Variants in DOCK4 observed in about 807,000 individuals in gnomAD.
DOCK4 encodes the protein dedicator of cytokinesis protein 4.
A neutral mutation model predicts 268.1 loss-of-function variants in DOCK4; 97 were observed. The observed-to-expected ratio is 0.36, with a 90% CI of 0.31 to 0.43. The LOEUF (loss-of-function observed/expected upper bound fraction) is 0.43. Among genes scored for constraint, DOCK4 ranks in the 20% least tolerant of loss-of-function variants. The pLI, the probability that DOCK4 is intolerant of heterozygous loss-of-function variation, is 1.00. For missense variants in DOCK4, 2,145 were observed against 2,455.7 expected, an observed-to-expected ratio of 0.87 and a Z score of 2.67; for synonymous variants, 954 against 887.2, an observed-to-expected ratio of 1.08 and a Z score of -1.34.
chr7:111,772,515 G>T (rs1032975438), intron 36 of DOCK4, among the ~76,000 whole-genome samples: 10 of 152,158 alleles, frequency 6.6e-5, no homozygotes, highest in Non-Finnish European at 1.0e-4. Flanking sequence ...ACAAAAAGAG[G>T]CCAGGCACAG....
chr7:111,808,910 C>T, intron 29 of DOCK4, 31 bp from the exon 30 acceptor site: 2 of 1,603,946 alleles, frequency 1.2e-6, no homozygotes, highest in Non-Finnish European at 1.7e-6. Context: ...AAACCTGATA[C>T]AATGCCTCCA....
chr7:111,901,837 T>C (rs540647435), intron 13 of DOCK4, 36 bp from the exon 14 acceptor site: 1 of 1,450,068 alleles, frequency 6.9e-7, no homozygotes, highest in African/African-American at 1.4e-5. Flanking sequence ...ATGTTATATA[T>C]ATATGAGGAA....
chr7:111,938,951 G>A (rs1429376800), intron 11 of DOCK4, among the ~76,000 whole-genome samples: 1 of 148,080 alleles, frequency 6.8e-6, no homozygotes, highest in Non-Finnish European at 1.5e-5. Flanking sequence ...TCCAGCCTGG[G>A]TGACAGAGCG....
chr7:111,824,096 A>C (rs937624272), intron 26 of DOCK4, among the ~76,000 whole-genome samples: 5 of 152,206 alleles, frequency 3.3e-5, no homozygotes, highest in African/African-American at 1.2e-4. Flanking sequence ...GATCCGGTCC[A>C]TGTCTCCAGA....
chr7:111,840,772 A>C (rs748146589), intron 25 of DOCK4: 1 of 1,308,646 alleles, frequency 7.6e-7, no homozygotes, highest in Non-Finnish European at 9.9e-7. Context: ...CAGTGTGTCT[A>C]CTTGTCATGG....
At chr7:112,068,217 T>A (rs1807259728) in intron 1 of DOCK4, among the ~76,000 whole-genome samples, 1 of 152,152 alleles carries the variant, frequency 6.6e-6, no homozygotes, top group Non-Finnish European at 1.5e-5. Flanking sequence ...CCAGGAAAAA[T>A]CCTTCTGGGT....
chr7:111,998,688 A>T (rs1233483712), intron 3 of DOCK4, among the ~76,000 whole-genome samples, 185 bp from the exon 4 acceptor site: 1 of 152,162 alleles, frequency 6.6e-6, no homozygotes, highest in African/African-American at 2.4e-5. Context: ...ATTTTCTACC[A>T]TTAACTACTT....
At chr7:111,754,348 C>T (rs918095723) in intron 42 of DOCK4, among the ~76,000 whole-genome samples, 6 of 152,178 alleles carry the variant, frequency 3.9e-5, no homozygotes, top group African/African-American at 1.4e-4. Flanking sequence ...AGAGTAGTTT[C>T]AATGCTGAGA....
intron 3 of DOCK4, among the ~76,000 whole-genome samples, chr7:111,999,043 C>A (rs1188972967): frequency 6.6e-6 from 1 of 151,968 alleles, no homozygotes; most frequent in Non-Finnish European, 1.5e-5. Flanking sequence ...TCTGATGGAA[C>A]AGAAATCAAA....
At chr7:112,023,659 C>T (rs535685550) in intron 1 of DOCK4, 19 of 453,856 alleles carry the variant, frequency 4.2e-5, no homozygotes, top group African/African-American at 3.6e-4. Context: ...GGAATCCAAC[C>T]ACTAGAATAC....
intron 26 of DOCK4, among the ~76,000 whole-genome samples, chr7:111,827,274 G>C (rs1470278991): frequency 6.6e-6 from 1 of 152,162 alleles, no homozygotes; most frequent in East Asian, 1.9e-4. Context: ...ATCTTTTAGA[G>C]CTATATAACC....
At chr7:111,986,808 C>A (rs113814645) in intron 6 of DOCK4, among the ~76,000 whole-genome samples, 1 of 152,300 alleles carries the variant, frequency 6.6e-6, no homozygotes, top group Non-Finnish European at 1.5e-5. Flanking sequence ...ATGATCTCTT[C>A]TTCCTAAGCT....
intron 1 of DOCK4, among the ~76,000 whole-genome samples, chr7:112,107,031 T>C (rs1353751431): frequency 6.6e-6 from 1 of 152,260 alleles, no homozygotes; most frequent in African/African-American, 2.4e-5. Flanking sequence ...CACTAAATTT[T>C]TGAAGTGTTG....
At position 111,879,600 on chromosome 7, in the gene DOCK4, A is replaced by T. The variant is rs144829087; in HGVS notation, c.1588-2414T>A. Among the ~76,000 whole-genome samples, 19 of 152,330 alleles carry T rather than the reference A, an allele frequency of 1.2e-4. No homozygotes were observed. In the East Asian group the frequency reaches 3.5e-3, roughly 28 times the overall value. Reference sequence around the variant, plus strand: ...ATGAGAGGGGAGCAGGGTAAGTCCCAGGTCTGGCAGCATTCACCACAAGCT... The same window carrying T: ...ATGAGAGGGGAGCAGGGTAAGTCCCTGGTCTGGCAGCATTCACCACAAGCT... On this transcript the variant is annotated intron_variant, in intron 16 of 52. Transcript: ENST00000428084.
chr7:111,895,568 G>T, intron 16 of DOCK4, 44 bp downstream of exon 16: 1 of 1,508,818 alleles, frequency 6.6e-7, no homozygotes, highest in Non-Finnish European at 9.2e-7. Context: ...TGTTATTTCA[G>T]CACTGTTTTT....
chr7:111,969,366 C>A (rs1194751735), intron 8 of DOCK4, among the ~76,000 whole-genome samples: 1 of 149,554 alleles, frequency 6.7e-6, no homozygotes, highest in Non-Finnish European at 1.5e-5. Context: ...TTCTGTGATT[C>A]CAGTTGCCAC....
At chr7:111,931,854 T>C (rs570691961) in intron 12 of DOCK4, among the ~76,000 whole-genome samples, 1 of 152,330 alleles carries the variant, frequency 6.6e-6, no homozygotes, top group South Asian at 2.1e-4. Flanking sequence ...CATACATTTT[T>C]TCTTTTAATC....
intron 11 of DOCK4, among the ~76,000 whole-genome samples, chr7:111,937,442 TA>T (rs968130472): frequency 6.6e-6 from 1 of 151,068 alleles, no homozygotes; most frequent in South Asian, 2.1e-4. Flanking sequence ...AAGCAGACAA[TA>T]AAAAAAAACA....
chr7:112,002,798 G>A (rs750312911), intron 2 of DOCK4, among the ~76,000 whole-genome samples: 12 of 151,906 alleles, frequency 7.9e-5, no homozygotes, highest in Non-Finnish European at 1.3e-4. Flanking sequence ...ACCTCTAATC[G>A]CAGCACTTTG....
Sources: gnomAD v4.1 joint callset for allele counts (sites outside exome capture counted in the v4.1 genomes callset) on GRCh38, gnomAD v4.1.1 for gene constraint, MANE v1.5 for transcripts, NCBI Gene and HGNC (gene_info 2026-07-23, HGNC 2026-07-21) for gene names.